The following MARCHF1 variants were observed in gnomAD, a reference collection of about 807,000 sequenced individuals.
MARCHF1 encodes E3 ubiquitin-protein ligase MARCHF1.
A neutral mutation model predicts 54.2 loss-of-function variants in MARCHF1; 40 were observed. The ratio of observed to expected loss-of-function variants is 0.74; its 90% confidence interval spans 0.57 to 0.96. The LOEUF (loss-of-function observed/expected upper bound fraction) is 0.96. MARCHF1 is among the 40% of genes least tolerant of loss of function. The probability of loss-of-function intolerance (pLI) is 0.00; values close to 1 mark genes in which losing one functional copy is unlikely to be tolerated. For synonymous variants in MARCHF1, 236 were observed against 236.3 expected (o/e 1.00, Z 0.01); for missense variants, 586 against 656.5 (o/e 0.89, Z 1.17).
At chr4:163,845,049 C>A (rs1201181859) in intron 4 of MARCHF1, among the ~76,000 whole-genome samples, 1 of 152,118 alleles carries the variant, frequency 6.6e-6, no homozygotes, top group Non-Finnish European at 1.5e-5. Flanking sequence ...ACCTTAATTT[C>A]TCTCTCTGTA....
chr4:164,111,492 A>G (rs1411807735), intron 2 of MARCHF1, 96 bp downstream of exon 2: 1 of 151,812 alleles, frequency 6.6e-6, no homozygotes, highest in Admixed American at 6.6e-5. Context: ...TTCCATTAAA[A>G]CAAAATTAAA....
chr4:164,263,204 A>T (rs1733517154), intron 1 of MARCHF1, among the ~76,000 whole-genome samples: 1 of 152,102 alleles, frequency 6.6e-6, no homozygotes, highest in Non-Finnish European at 1.5e-5. Context: ...ACTATGAAAC[A>T]CTAAGAGAAA....
intron 1 of MARCHF1, among the ~76,000 whole-genome samples, chr4:164,348,514 T>C (rs2110872261): frequency 6.6e-6 from 1 of 152,272 alleles, no homozygotes; most frequent in African/African-American, 2.4e-5. Context: ...GATGTTGCTC[T>C]CCTTGGTGCT....
Position 163,528,970 on chromosome 4 carries a change from G to A in MARCHF1, c.1416C>T (p.Tyr472=), listed in dbSNP as rs201136702. Residue 472 remains tyrosine (Y), a synonymous_variant, in exon 10 of 10, where the codon TAC becomes TAT. Coordinates refer to ENST00000514618, the MANE Select transcript of MARCHF1 (RefSeq NM_001394959.1). ...IGFTGGLVFM[Y]VQCKVYVQLW... ...ACTGAACATAGACTTTACACTGTAC[G>A]TACATGAAGACAAGACCTCCTGTGA... The A allele has an allele frequency of 1.5e-5, 25 of 1,613,058 alleles. No individual in the cohort carries two copies. The East Asian group carries it at 3.3e-4, about 22-fold the overall frequency.
At chr4:164,148,213 G>T (rs559122041) in intron 1 of MARCHF1, among the ~76,000 whole-genome samples, 121 of 151,662 alleles carry the variant, frequency 8.0e-4, no homozygotes, top group Non-Finnish European at 1.5e-3. Flanking sequence ...GGACGAAAAA[G>T]ATATTGGAAC....
intron 2 of MARCHF1, among the ~76,000 whole-genome samples, chr4:164,094,928 CAA>C (rs908777524): frequency 6.6e-6 from 1 of 151,978 alleles, no homozygotes; most frequent in African/African-American, 2.4e-5. Flanking sequence ...CTTTACATTA[CAA>C]AAGATAACTG....
chr4:163,749,367 G>T (rs1438834223), intron 4 of MARCHF1, among the ~76,000 whole-genome samples: 3 of 151,310 alleles, frequency 2.0e-5, no homozygotes, highest in South Asian at 2.1e-4. Flanking sequence ...AAACAATCAG[G>T]TCATCTAAAA....
chr4:163,886,349 A>T (rs572402390), intron 3 of MARCHF1, among the ~76,000 whole-genome samples: 1 of 150,804 alleles, frequency 6.6e-6, no homozygotes, highest in East Asian at 1.9e-4. Context: ...AGATAGATAG[A>T]TATAGATAGA....
At chr4:163,536,537 A>T (rs1264448040) in intron 9 of MARCHF1, among the ~76,000 whole-genome samples, 1 of 152,138 alleles carries the variant, frequency 6.6e-6, no homozygotes, top group East Asian at 1.9e-4. Flanking sequence ...GTCATGCTAT[A>T]ATCTTGACGA....
intron 4 of MARCHF1, among the ~76,000 whole-genome samples, chr4:163,730,634 T>C (rs147440698): frequency 3.3e-4 from 51 of 152,308 alleles, no homozygotes; most frequent in African/African-American, 1.2e-3. Context: ...TTGTTACATA[T>C]GTATACATGT....
intron 1 of MARCHF1, among the ~76,000 whole-genome samples, chr4:164,239,951 C>T (rs1164142641): frequency 6.6e-6 from 1 of 152,138 alleles, no homozygotes; most frequent in Non-Finnish European, 1.5e-5. Flanking sequence ...TAAGTACATG[C>T]TTAAGTAGAG....
intron 4 of MARCHF1, among the ~76,000 whole-genome samples, chr4:163,821,162 C>G (rs778208389): frequency 3.3e-5 from 5 of 151,950 alleles, no homozygotes; most frequent in Non-Finnish European, 7.4e-5. Context: ...ATGATTTCCT[C>G]TTTCTGGGGC....
At chr4:163,870,299 T>C (rs897497778) in intron 3 of MARCHF1, among the ~76,000 whole-genome samples, 8 of 152,104 alleles carry the variant, frequency 5.3e-5, no homozygotes, top group African/African-American at 1.9e-4. Context: ...TGAAAAATAT[T>C]TTCCATTTCA....
At chr4:163,708,983 G>A (rs1230970042) in intron 4 of MARCHF1, among the ~76,000 whole-genome samples, 2 of 151,972 alleles carry the variant, frequency 1.3e-5, no homozygotes, top group Non-Finnish European at 2.9e-5. Flanking sequence ...TATTGTTAAG[G>A]TAATAAAGTT....
At chr4:164,161,664 A>C (rs958393798) in intron 1 of MARCHF1, among the ~76,000 whole-genome samples, 4 of 152,096 alleles carry the variant, frequency 2.6e-5, no homozygotes, top group Admixed American at 2.6e-4. Context: ...CATAAACTTA[A>C]ATTTATGTCT....
intron 1 of MARCHF1, among the ~76,000 whole-genome samples, chr4:164,115,598 G>A (rs1288088873): frequency 6.6e-6 from 1 of 152,042 alleles, no homozygotes; most frequent in African/African-American, 2.4e-5. Context: ...ATACAAAACT[G>A]AAGAGACATT....
intron 1 of MARCHF1, among the ~76,000 whole-genome samples, chr4:164,264,922 A>G (rs1302984274): frequency 6.7e-6 from 1 of 150,314 alleles, no homozygotes; most frequent in Non-Finnish European, 1.5e-5. Flanking sequence ...CTCTGTCGAA[A>G]AAAAAAAAAC....
chr4:163,746,458 GAC>G (rs1466728559), intron 4 of MARCHF1, among the ~76,000 whole-genome samples: 6 of 152,124 alleles, frequency 3.9e-5, no homozygotes, highest in Admixed American at 3.9e-4. Context: ...GCATAAAGCT[GAC>G]ACAAACATTT....
rs138488752 is a variant in MARCHF1 at position 163,683,147 on chromosome 4, C to A, written c.162+17666G>T. ...TATGATGTATTAGTCTGTTTTCACA[C>A]TGCTGATAAAGACATATTTGAGACT... On this transcript the variant is annotated intron_variant, in intron 5 of 9. Transcript: ENST00000514618. 7.5e-4 allele frequency among the ~76,000 whole-genome samples: 114 copies of A among 152,272 alleles called. 1 individual carries two copies. The highest frequency in any genetic ancestry group is 2.7e-3 in the African/African-American group (111 of 41,554).
Sources: allele counts gnomAD v4.1 joint callset (sites outside exome capture counted in the v4.1 genomes callset), GRCh38; gene constraint gnomAD v4.1.1; transcripts MANE v1.5; gene names NCBI Gene and HGNC (gene_info 2026-07-23, HGNC 2026-07-21).